AKAP7: variants seen among roughly 807,000 people sequenced by gnomAD.
AKAP7 encodes A-kinase anchoring protein 7.
A neutral mutation model predicts 39.5 loss-of-function variants in AKAP7; 39 were observed. That is an observed-to-expected ratio of 0.99 (90% CI 0.76 to 1.29). The LOEUF (loss-of-function observed/expected upper bound fraction) is 1.29. Ranked by LOEUF, AKAP7 falls within the 50% of genes most tolerant of loss-of-function variation. The pLI, the probability that AKAP7 is intolerant of heterozygous loss-of-function variation, is 0.00. For missense variants in AKAP7, 414 were observed against 407.7 expected, an observed-to-expected ratio of 1.02 and a Z score of -0.13; for synonymous variants, 140 against 139.1, an observed-to-expected ratio of 1.01 and a Z score of -0.05.
At position 131,184,846 on chromosome 6, in the gene AKAP7, C is replaced by T. The variant is rs532138184; in HGVS notation, c.590-14615C>T. ...ACTGAGGCCTGGTCGGTTCTTGTAACGTTTTCCACAAATGTCACAGGCATA... is the reference window on the plus strand; with the variant it reads ...ACTGAGGCCTGGTCGGTTCTTGTAATGTTTTCCACAAATGTCACAGGCATA... On this transcript the variant is annotated intron_variant, in intron 5 of 7. Coordinates refer to ENST00000431975, the MANE Select transcript of AKAP7 (RefSeq NM_016377.4). The T allele has an allele frequency of 5.0e-5, 73 of 1,471,328 alleles. No homozygotes were observed. The East Asian group carries it at 1.0e-3, about 21-fold the overall frequency. 91.1% of individuals were successfully genotyped at this position (1,471,328 alleles called of 1,614,324 possible). A position where few individuals can be genotyped will look rare whatever the true frequency, so the allele number is the denominator to read the frequency against.
intron 2 of AKAP7, among the ~76,000 whole-genome samples, chr6:131,145,863 T>G (rs1020213767): frequency 2.6e-5 from 4 of 152,126 alleles, no homozygotes; most frequent in African/African-American, 9.7e-5. Context: ...CAAGTCTTGT[T>G]TTTTATTTAA....
intron 7 of AKAP7, among the ~76,000 whole-genome samples, chr6:131,231,710 A>G (rs75795268): frequency 0.12 from 17,743 of 152,156 alleles, 1,259 homozygotes; most frequent in Non-Finnish European, 0.15. Context: ...AAAAGAAGAA[A>G]ACCAAGACTA....
chr6:131,142,785 A>G (rs1801156024), intron 1 of AKAP7, among the ~76,000 whole-genome samples: 1 of 152,240 alleles, frequency 6.6e-6, no homozygotes, highest in Admixed American at 6.5e-5. Flanking sequence ...GCAGACATTC[A>G]ATTCCATCCT....
chr6:131,220,676 T>G (rs1031182768), intron 7 of AKAP7, among the ~76,000 whole-genome samples: 1 of 152,210 alleles, frequency 6.6e-6, no homozygotes, highest in Non-Finnish European at 1.5e-5. Context: ...AATTGAAGGT[T>G]TGTAGCAACC....
chr6:131,184,844 A>C lies in AKAP7; in HGVS notation c.590-14617A>C, dbSNP rs564757690. The stretch of plus-strand genomic sequence containing the variant: ...TAACTGAGGCCTGGTCGGTTCTTGT[A>C]ACGTTTTCCACAAATGTCACAGGCA... On this transcript the variant is annotated intron_variant, in intron 5 of 7. Coordinates refer to ENST00000431975, the MANE Select transcript of AKAP7 (RefSeq NM_016377.4). The C allele has an allele frequency of 1.5e-4, 224 of 1,472,240 alleles. 4 individuals are homozygous for C. The South Asian group carries it at 2.5e-3, about 16-fold the overall frequency. The allele number at this position is 1,472,240 out of a possible 1,614,324, so 91.2% of individuals were successfully genotyped here. A position where few individuals can be genotyped will look rare whatever the true frequency, so the allele number is the denominator to read the frequency against.
intron 7 of AKAP7, among the ~76,000 whole-genome samples, chr6:131,271,410 A>G (rs1814263697): frequency 6.6e-6 from 1 of 152,026 alleles, no homozygotes; most frequent in Non-Finnish European, 1.5e-5. Context: ...TATTATCTAT[A>G]TGTCTATACT....
chr6:131,193,454 G>T (rs1355150786), intron 5 of AKAP7, among the ~76,000 whole-genome samples: 1 of 151,664 alleles, frequency 6.6e-6, no homozygotes, highest in Non-Finnish European at 1.5e-5. Flanking sequence ...GATCTTTTTA[G>T]TGTATTGTTG....
At chr6:131,222,103 A>C (rs1809750371) in intron 7 of AKAP7, among the ~76,000 whole-genome samples, 1 of 152,210 alleles carries the variant, frequency 6.6e-6, no homozygotes, top group African/African-American at 2.4e-5. Flanking sequence ...AACACTTATG[A>C]CTCATGGGAG....
chr6:131,228,250 A>G (rs1482751003), intron 7 of AKAP7, among the ~76,000 whole-genome samples: 1 of 152,222 alleles, frequency 6.6e-6, no homozygotes, highest in Non-Finnish European at 1.5e-5. Context: ...TAGGAAAAAA[A>G]GGTTTTGAGC....
intron 5 of AKAP7, among the ~76,000 whole-genome samples, chr6:131,196,019 C>T (rs1035427384): frequency 2.0e-5 from 3 of 152,050 alleles, no homozygotes; most frequent in Non-Finnish European, 4.4e-5. Flanking sequence ...GATATTATCC[C>T]TTTGAATAAA....
At chr6:131,140,536 C>G (rs1472315964) in intron 1 of AKAP7, among the ~76,000 whole-genome samples, 1 of 152,170 alleles carries the variant, frequency 6.6e-6, no homozygotes, top group Non-Finnish European at 1.5e-5. Flanking sequence ...TTTCCTCTCC[C>G]TCACTTATTG....
At chr6:131,211,848 A>G (rs540112283) in intron 6 of AKAP7, among the ~76,000 whole-genome samples, 33 of 151,842 alleles carry the variant, frequency 2.2e-4, no homozygotes, top group African/African-American at 8.0e-4. Flanking sequence ...TCAGTTTATG[A>G]TAGGGTTACA....
chr6:131,218,666 A>C (rs970750884), intron 6 of AKAP7, among the ~76,000 whole-genome samples: 5 of 152,198 alleles, frequency 3.3e-5, no homozygotes, highest in Non-Finnish European at 5.9e-5. Flanking sequence ...AGAGGCAGAT[A>C]TATTCTTTCC....
At chr6:131,137,382 C>G (rs1800644491) in intron 1 of AKAP7, 1 of 150,150 alleles carries the variant, frequency 6.7e-6, no homozygotes, top group East Asian at 1.9e-4. Flanking sequence ...CCTTTTCTCT[C>G]TCTTTTTTTT....
chr6:131,239,513 G>T lies in AKAP7; in HGVS notation c.850+19705G>T, dbSNP rs187007121. Among the ~76,000 whole-genome samples, 942 of 152,232 alleles carry T rather than the reference G, an allele frequency of 6.2e-3. 11 individuals are homozygous for T. The highest frequency in any genetic ancestry group is 0.022 in the African/African-American group (897 of 41,538). ...ATCCTGCAGAGTGTTTTCCAACTTGGTTCCATTCTCCCCGTCACTTTCAGG... is the reference window on the plus strand; with the variant it reads ...ATCCTGCAGAGTGTTTTCCAACTTGTTTCCATTCTCCCCGTCACTTTCAGG... On this transcript the variant is annotated intron_variant, in intron 7 of 7. Coordinates refer to ENST00000431975, the MANE Select transcript of AKAP7 (RefSeq NM_016377.4).
chr6:131,138,181 T>G (rs1269824164), intron 1 of AKAP7, among the ~76,000 whole-genome samples: 4 of 152,210 alleles, frequency 2.6e-5, no homozygotes, highest in Non-Finnish European at 5.9e-5. Flanking sequence ...TCAAATGTTT[T>G]AATTTTAGTT....
At chr6:131,258,268 C>A (rs1813025427) in intron 7 of AKAP7, among the ~76,000 whole-genome samples, 1 of 152,178 alleles carries the variant, frequency 6.6e-6, no homozygotes, top group African/African-American at 2.4e-5. Flanking sequence ...CTAATGGATT[C>A]TTTCTTTAAA....
Position 131,281,374 on chromosome 6 carries a change from T to C in AKAP7, c.851-156T>C, listed in dbSNP as rs1209467061. Among the ~76,000 whole-genome samples the C allele has an allele frequency of 6.6e-6, 1 of 152,238 alleles. No individual in the cohort carries two copies. The highest frequency in any genetic ancestry group is 1.9e-4 in the East Asian group (1 of 5,202). On this transcript the variant is annotated intron_variant, in intron 7 of 7. Coordinates refer to ENST00000431975, the MANE Select transcript of AKAP7 (RefSeq NM_016377.4). The surrounding 1 kb of genome is among the most constrained non-coding windows in gnomAD (Gnocchi z 4.0). ...TCAGGAATAGACAGGCTCCTGCTTC[T>C]GCAAATACCAAATGAAAAGCCAACC...
At chr6:131,205,164 G>C (rs1430833653) in intron 6 of AKAP7, among the ~76,000 whole-genome samples, 1 of 152,070 alleles carries the variant, frequency 6.6e-6, no homozygotes. Flanking sequence ...GGTATAATGC[G>C]ATATTCTGTA....
Sources: allele counts gnomAD v4.1 joint callset (sites outside exome capture counted in the v4.1 genomes callset), GRCh38; gene constraint gnomAD v4.1.1; non-coding constraint Gnocchi (gnomAD v3.1); transcripts MANE v1.5; gene names NCBI Gene and HGNC (gene_info 2026-07-23, HGNC 2026-07-21).